Variants in CNTNAP4 observed in about 807,000 individuals in gnomAD.
The protein encoded by CNTNAP4 is contactin associated protein family member 4.
CNTNAP4 carries 98 observed loss-of-function variants against 148.4 expected under a neutral mutation model. The observed-to-expected ratio is 0.66, with a 90% confidence interval of 0.56 to 0.78. The LOEUF (loss-of-function observed/expected upper bound fraction) is 0.78. Among genes scored for constraint, CNTNAP4 ranks in the 30% least tolerant of loss-of-function variants. The pLI, the probability that CNTNAP4 is intolerant of heterozygous loss-of-function variation, is 0.00. For missense variants in CNTNAP4, 1,935 were observed against 1,565.6 expected, an observed-to-expected ratio of 1.24 and a Z score of -3.98; for synonymous variants, 730 against 565.1, an observed-to-expected ratio of 1.29 and a Z score of -4.14.
chr16:76,314,627 G>A (rs1597160642), intron 1 of CNTNAP4, among the ~76,000 whole-genome samples: 2 of 152,180 alleles, frequency 1.3e-5, no homozygotes, highest in East Asian at 1.9e-4. Flanking sequence ...ATCAGGACAC[G>A]CCCAAGTCTG....
chr16:76,298,441 C>A, intron 1 of CNTNAP4, among the ~76,000 whole-genome samples: 1 of 150,962 alleles, frequency 6.6e-6, no homozygotes, highest in African/African-American at 2.4e-5. Flanking sequence ...CAATTAGATT[C>A]TTTGGATTAC....
At chr16:76,340,173 A>G (rs1292968367) in intron 2 of CNTNAP4, among the ~76,000 whole-genome samples, 1 of 152,162 alleles carries the variant, frequency 6.6e-6, no homozygotes, top group East Asian at 1.9e-4. Flanking sequence ...CAACTCTGGA[A>G]ACAACAGTGA....
intron 1 of CNTNAP4, among the ~76,000 whole-genome samples, chr16:76,308,225 C>T (rs1766459821): frequency 1.3e-5 from 2 of 151,988 alleles, no homozygotes; most frequent in South Asian, 4.2e-4. Flanking sequence ...TGTTAATTTT[C>T]ATGTCAATGT....
chr16:76,434,396 T>C (rs2079736083), intron 4 of CNTNAP4, among the ~76,000 whole-genome samples: 1 of 152,164 alleles, frequency 6.6e-6, no homozygotes, highest in Non-Finnish European at 1.5e-5. Flanking sequence ...AAAAAGGCAT[T>C]TGCCAAGTCA....
intron 21 of CNTNAP4, among the ~76,000 whole-genome samples, chr16:76,543,448 G>A (rs1470336569): frequency 6.6e-6 from 1 of 152,220 alleles, no homozygotes; most frequent in Non-Finnish European, 1.5e-5. Flanking sequence ...CCAAACAACA[G>A]CTGTGAAGAC....
At chr16:76,551,315 T>C (rs1473216726) in intron 21 of CNTNAP4, among the ~76,000 whole-genome samples, 1 of 151,710 alleles carries the variant, frequency 6.6e-6, no homozygotes, top group East Asian at 1.9e-4. Context: ...GGAGAATTAC[T>C]TGAGCCTGGG....
At chr16:76,299,837 C>T (rs1018117755) in intron 1 of CNTNAP4, among the ~76,000 whole-genome samples, 1 of 152,116 alleles carries the variant, frequency 6.6e-6, no homozygotes, top group Admixed American at 6.6e-5. Context: ...AAGTTCATGT[C>T]CTTTGTAGGG....
At chr16:76,474,009 C>G (rs1191709346) in intron 10 of CNTNAP4, among the ~76,000 whole-genome samples, 1 of 152,064 alleles carries the variant, frequency 6.6e-6, no homozygotes, top group East Asian at 1.9e-4. Flanking sequence ...GGTGCTCTGC[C>G]TGTCTCAGTA....
intron 3 of CNTNAP4, among the ~76,000 whole-genome samples, chr16:76,385,809 G>A (rs2016462325): frequency 2.0e-5 from 3 of 152,024 alleles, no homozygotes; most frequent in Admixed American, 1.3e-4. Flanking sequence ...ATGGCCAACA[G>A]CACTATAACT....
At chr16:76,468,823 A>G (rs1286893552) in intron 10 of CNTNAP4, among the ~76,000 whole-genome samples, 2 of 152,192 alleles carry the variant, frequency 1.3e-5, no homozygotes, top group Non-Finnish European at 2.9e-5. Context: ...TAGCTAAGTC[A>G]TCTTGCCAGT....
chr16:76,441,153 C>A (rs1158638333), intron 4 of CNTNAP4, among the ~76,000 whole-genome samples: 1 of 152,092 alleles, frequency 6.6e-6, no homozygotes, highest in Non-Finnish European at 1.5e-5. Context: ...TGAAGACAGG[C>A]ATGAATAATT....
chr16:76,532,455 T>C (rs1255297496), intron 17 of CNTNAP4, among the ~76,000 whole-genome samples: 1 of 152,178 alleles, frequency 6.6e-6, no homozygotes, highest in Non-Finnish European at 1.5e-5. Context: ...AAATGGACTT[T>C]AGTCAGTTGT....
Position 76,448,147 on chromosome 16 carries a change from A to G in CNTNAP4, c.674A>G (p.Glu225Gly). The change falls in exon 5 of 24, where the codon GAA (glutamate) becomes GGA (glycine). Residue 225 changes from glutamate (E) to glycine (G), a missense_variant. Coordinates refer to ENST00000611870, the MANE Select transcript of CNTNAP4 (RefSeq NM_033401.5). ...AGTGATGGGATTCTACTCCACAGGGAAGGGCCAAATGGAGATCACATCACA... is the reference window on the plus strand; with the variant it reads ...AGTGATGGGATTCTACTCCACAGGGGAGGGCCAAATGGAGATCACATCACA... ...MQSDGILLHR[E>G]GPNGDHITLQ... 6.2e-7 allele frequency: 1 copy of G among 1,613,612 alleles called. No homozygotes were observed. Among genetic ancestry groups the G allele is most frequent in the Non-Finnish European group, 8.5e-7 (1 of 1,179,586 alleles).
At chr16:76,478,319 C>T (rs80197881) in intron 11 of CNTNAP4, among the ~76,000 whole-genome samples, 1,895 of 152,210 alleles carry the variant, frequency 0.012, 32 homozygotes, top group African/African-American at 0.043. Context: ...GTCATTTTTA[C>T]GTACTCTCTT....
At chr16:76,547,241 G>A (rs1163291273) in intron 21 of CNTNAP4, among the ~76,000 whole-genome samples, 1 of 152,106 alleles carries the variant, frequency 6.6e-6, no homozygotes, top group Non-Finnish European at 1.5e-5. Flanking sequence ...AATTCATTAA[G>A]CTATTACTGG....
At chr16:76,287,495 C>G (rs916723570) in intron 1 of CNTNAP4, 3 of 152,122 alleles carry the variant, frequency 2.0e-5, no homozygotes, top group Non-Finnish European at 4.4e-5. Flanking sequence ...CAACATGAAC[C>G]AGATTAGCAT....
At chr16:76,526,214 A>G (rs984112640) in intron 17 of CNTNAP4, among the ~76,000 whole-genome samples, 8 of 152,128 alleles carry the variant, frequency 5.3e-5, no homozygotes, top group African/African-American at 1.9e-4. Flanking sequence ...ATCTGAAGGA[A>G]GAGAATTCCA....
intron 2 of CNTNAP4, among the ~76,000 whole-genome samples, 174 bp from the exon 3 acceptor site, chr16:76,355,144 A>G (rs1306898607): frequency 6.6e-6 from 1 of 152,250 alleles, no homozygotes; most frequent in Non-Finnish European, 1.5e-5. Context: ...CATAGACATC[A>G]TATAATTATA....
chr16:76,498,012 A>C (rs1568408633), intron 14 of CNTNAP4, among the ~76,000 whole-genome samples: 1 of 152,228 alleles, frequency 6.6e-6, no homozygotes, highest in Non-Finnish European at 1.5e-5. Flanking sequence ...CATTGAATTA[A>C]AAAATCTCCA....
Sources: gnomAD v4.1 joint callset for allele counts (sites outside exome capture counted in the v4.1 genomes callset) on GRCh38, gnomAD v4.1.1 for gene constraint, MANE v1.5 for transcripts, NCBI Gene and HGNC (gene_info 2026-07-23, HGNC 2026-07-21) for gene names.